GRM5: variants seen among roughly 807,000 people sequenced by gnomAD.
The protein encoded by GRM5 is glutamate metabotropic receptor 5, also known as metabotropic glutamate receptor 5.
Under a neutral mutation model 83.1 loss-of-function variants are expected in GRM5, and 19 were observed. That is an observed-to-expected ratio of 0.23 (90% CI 0.16 to 0.34). The LOEUF (loss-of-function observed/expected upper bound fraction) is 0.34, where lower values mean the gene tolerates loss of function less well. Among genes scored for constraint, GRM5 ranks in the 10% least tolerant of loss-of-function variants. GRM5 has a pLI of 1.00. For missense variants in GRM5, 1,160 were observed against 1,588.3 expected, an observed-to-expected ratio of 0.73 and a Z score of 4.58; for synonymous variants, 675 against 633.6, an observed-to-expected ratio of 1.07 and a Z score of -0.98.
At chr11:88,678,232 A>AT (rs1940386907) in intron 3 of GRM5, among the ~76,000 whole-genome samples, 3 of 151,842 alleles carry the variant, frequency 2.0e-5, no homozygotes, top group South Asian at 4.2e-4. Flanking sequence ...CTAATTGTTA[A>AT]TTTTTTTGTA....
intron 7 of GRM5, among the ~76,000 whole-genome samples, chr11:88,571,069 T>C (rs192848596): frequency 4.6e-5 from 7 of 152,288 alleles, no homozygotes; most frequent in African/African-American, 1.7e-4. Context: ...GAAAAAGTAA[T>C]TAAACACTTA....
intron 2 of GRM5, among the ~76,000 whole-genome samples, chr11:88,864,556 A>G (rs1296154242): frequency 1.3e-5 from 2 of 151,952 alleles, no homozygotes; most frequent in African/African-American, 4.8e-5. Context: ...GCTTATTAGC[A>G]TAAGGAGATT....
At chr11:88,980,068 GATAA>G (rs1004546748) in intron 2 of GRM5, among the ~76,000 whole-genome samples, 2 of 152,180 alleles carry the variant, frequency 1.3e-5, no homozygotes, top group Non-Finnish European at 2.9e-5. Flanking sequence ...ATCATTGGGA[GATAA>G]ATAGAGTCTT....
chr11:88,788,931 C>G (rs1419128270), intron 3 of GRM5, among the ~76,000 whole-genome samples: 1 of 152,166 alleles, frequency 6.6e-6, no homozygotes, highest in African/African-American at 2.4e-5. Context: ...GATTCTGTGC[C>G]TCCTTTACCA....
intron 3 of GRM5, among the ~76,000 whole-genome samples, chr11:88,717,383 A>G (rs1941422112): frequency 6.6e-6 from 1 of 151,922 alleles, no homozygotes; most frequent in Non-Finnish European, 1.5e-5. Context: ...TGGTTATTGT[A>G]TCTAAGCATT....
intron 2 of GRM5, among the ~76,000 whole-genome samples, chr11:88,932,428 A>C (rs1391412159): frequency 6.6e-6 from 1 of 152,056 alleles, no homozygotes; most frequent in Non-Finnish European, 1.5e-5. Flanking sequence ...GTGTATATGC[A>C]CATAGTTAGC....
In GRM5 at chr11:88,976,351, G is replaced by A. The variant is rs187100603; in HGVS notation, c.661+70861C>T. 5.8e-3 allele frequency among the ~76,000 whole-genome samples: 883 copies of A among 152,154 alleles called. 3 individuals carry two copies. The highest frequency in any genetic ancestry group is 7.4e-3 in the Non-Finnish European group (505 of 68,008). ...CCTGGCTGGAGTGTACTTCGGTCTCGTGAATCTTGCGAATCTACCATTTCC... is the reference window on the plus strand; with the variant it reads ...CCTGGCTGGAGTGTACTTCGGTCTCATGAATCTTGCGAATCTACCATTTCC... On this transcript the variant is annotated intron_variant, in intron 2 of 9. Coordinates refer to ENST00000305447, the MANE Select transcript of GRM5 (RefSeq NM_001143831.3).
chr11:88,668,995 A>G (rs1444370338), intron 3 of GRM5, among the ~76,000 whole-genome samples: 1 of 152,208 alleles, frequency 6.6e-6, no homozygotes, highest in Non-Finnish European at 1.5e-5. Context: ...TATGGAAAAC[A>G]GTATGTAGCT....
At chr11:88,752,704 C>A (rs1201849258) in intron 3 of GRM5, among the ~76,000 whole-genome samples, 1 of 152,156 alleles carries the variant, frequency 6.6e-6, no homozygotes, top group Non-Finnish European at 1.5e-5. Flanking sequence ...TGACTTCAAA[C>A]TGTAATACAA....
At chr11:89,028,385 C>G (rs1382397767) in intron 2 of GRM5, among the ~76,000 whole-genome samples, 1 of 152,062 alleles carries the variant, frequency 6.6e-6, no homozygotes, top group Non-Finnish European at 1.5e-5. Flanking sequence ...GAGTTTGAGG[C>G]CAGCCTTTGC....
At chr11:89,006,701 A>T (rs1283227610) in intron 2 of GRM5, among the ~76,000 whole-genome samples, 1 of 152,106 alleles carries the variant, frequency 6.6e-6, no homozygotes, top group Non-Finnish European at 1.5e-5. Flanking sequence ...CCTTCCTGCT[A>T]TTTGTATTTT....
chr11:88,949,040 T>A (rs2135676007), intron 2 of GRM5, among the ~76,000 whole-genome samples: 2 of 152,316 alleles, frequency 1.3e-5, no homozygotes, highest in Middle Eastern at 3.4e-3. Flanking sequence ...TGTTTCCTCT[T>A]TACTGTCTAG....
chr11:88,794,258 C>T (rs988435096), intron 3 of GRM5, among the ~76,000 whole-genome samples: 9 of 152,110 alleles, frequency 5.9e-5, no homozygotes, highest in Non-Finnish European at 1.0e-4. Flanking sequence ...CTACCTGCCT[C>T]TAATGTTACC....
At chr11:88,608,631 G>C (rs548443640) in intron 4 of GRM5, among the ~76,000 whole-genome samples, 3 of 146,376 alleles carry the variant, frequency 2.0e-5, no homozygotes, top group Admixed American at 1.4e-4. Context: ...CTGTTCTCCT[G>C]TCTCAGCCTC....
At chr11:88,991,172 A>T (rs1213594451) in intron 2 of GRM5, among the ~76,000 whole-genome samples, 4 of 152,160 alleles carry the variant, frequency 2.6e-5, no homozygotes, top group Non-Finnish European at 5.9e-5. Flanking sequence ...AAGTCTCAGG[A>T]TACAAAATCA....
At chr11:88,758,061 A>T (rs1942435149) in intron 3 of GRM5, among the ~76,000 whole-genome samples, 1 of 152,176 alleles carries the variant, frequency 6.6e-6, no homozygotes, top group Admixed American at 6.5e-5. Flanking sequence ...TCAAATCCTC[A>T]AATAAAAATA....
intron 3 of GRM5, among the ~76,000 whole-genome samples, chr11:88,799,685 C>A (rs1384086017): frequency 1.3e-5 from 2 of 152,058 alleles, no homozygotes; most frequent in African/African-American, 4.8e-5. Context: ...ATATATATGG[C>A]CCCCAGTCTC....
intron 3 of GRM5, among the ~76,000 whole-genome samples, chr11:88,747,640 A>G (rs1019190013): frequency 1.3e-5 from 2 of 151,996 alleles, no homozygotes; most frequent in Non-Finnish European, 2.9e-5. Context: ...TAGAATATAC[A>G]TACTTTACTT....
intron 3 of GRM5, among the ~76,000 whole-genome samples, chr11:88,755,872 TG>T (rs1318991856): frequency 2.0e-5 from 3 of 152,124 alleles, no homozygotes; most frequent in African/African-American, 7.2e-5. Flanking sequence ...AGGAAATGGA[TG>T]CCAAAAGTAG....
Sources: allele counts gnomAD v4.1 joint callset (sites outside exome capture counted in the v4.1 genomes callset), GRCh38; gene constraint gnomAD v4.1.1; transcripts MANE v1.5; gene names NCBI Gene and HGNC (gene_info 2026-07-23, HGNC 2026-07-21).